The following RBFOX1 variants were observed in gnomAD, a reference collection of about 807,000 sequenced individuals.
RBFOX1 encodes the protein RNA binding protein fox-1 homolog 1.
In RBFOX1, 8 loss-of-function variants were observed where a neutral mutation model predicts 57.7. That is an observed-to-expected ratio of 0.14 (90% CI 0.08 to 0.25). The LOEUF (loss-of-function observed/expected upper bound fraction) is 0.25, where lower values mean the gene tolerates loss of function less well. RBFOX1 is among the 10% of genes least tolerant of loss of function. The pLI is 1.00. For missense variants in RBFOX1, 611 were observed against 548.5 expected, an observed-to-expected ratio of 1.11 and a Z score of -1.14; for synonymous variants, 326 against 222.4, an observed-to-expected ratio of 1.47 and a Z score of -4.15.
At chr16:6,984,248 A>C (rs983015588) in intron 3 of RBFOX1, among the ~76,000 whole-genome samples, 4 of 152,264 alleles carry the variant, frequency 2.6e-5, no homozygotes, top group African/African-American at 9.6e-5. Context: ...ACTCCATCTT[A>C]AACATAAAAT....
intron 3 of RBFOX1, among the ~76,000 whole-genome samples, chr16:5,663,377 T>C (rs1055096009): frequency 6.6e-6 from 1 of 151,846 alleles, no homozygotes; most frequent in Non-Finnish European, 1.5e-5. Flanking sequence ...GCTAATTTTT[T>C]TTTTTTTTTT....
intron 1 of RBFOX1, among the ~76,000 whole-genome samples, chr16:5,385,837 A>C (rs557326880): frequency 6.6e-6 from 1 of 152,190 alleles, no homozygotes; most frequent in Non-Finnish European, 1.5e-5. Context: ...GAAATTGACA[A>C]GAGGTGAATG....
chr16:7,362,437 C>G (rs1001258058), intron 4 of RBFOX1, among the ~76,000 whole-genome samples: 1 of 150,090 alleles, frequency 6.7e-6, no homozygotes, highest in Non-Finnish European at 1.5e-5. Flanking sequence ...AGTGTGTGTT[C>G]TGCGTGTACG....
At chr16:6,956,737 C>T (rs764517627) in intron 3 of RBFOX1, among the ~76,000 whole-genome samples, 7 of 152,204 alleles carry the variant, frequency 4.6e-5, no homozygotes, top group South Asian at 2.1e-4. Context: ...ATATCATCTT[C>T]GATGGTCTTG....
chr16:5,945,686 A>G (rs2059387705), intron 4 of RBFOX1, among the ~76,000 whole-genome samples: 2 of 152,232 alleles, frequency 1.3e-5, no homozygotes, highest in South Asian at 2.1e-4. Flanking sequence ...GCCCTTCTGC[A>G]CAGCACAGCC....
At chr16:6,443,994 A>G (rs1389155929) in intron 2 of RBFOX1, among the ~76,000 whole-genome samples, 4 of 152,196 alleles carry the variant, frequency 2.6e-5, no homozygotes, top group South Asian at 2.1e-4. Context: ...GGTGATAGGG[A>G]TATATAAATA....
At chr16:6,478,429 ATTTTTT>A (rs58352204) in intron 2 of RBFOX1, among the ~76,000 whole-genome samples, 31 of 24,600 alleles carry the variant, frequency 1.3e-3, no homozygotes, top group African/African-American at 3.6e-3. Context: ...ATATATATAT[ATTTTTT>A]TTTTTTTTTT....
intron 2 of RBFOX1, among the ~76,000 whole-genome samples, chr16:6,556,245 A>G (rs2097096453): frequency 2.0e-5 from 3 of 152,270 alleles, no homozygotes; most frequent in Middle Eastern, 3.4e-3. Flanking sequence ...CTTATCACGG[A>G]TCCTGCATGT....
chr16:5,462,967 A>G (rs868766975), intron 1 of RBFOX1, among the ~76,000 whole-genome samples: 9 of 152,368 alleles, frequency 5.9e-5, no homozygotes, highest in Middle Eastern at 3.4e-3. Flanking sequence ...AAAGGTGTTC[A>G]TACTAAATTG....
At chr16:6,677,888 G>A (rs2058014107) in intron 3 of RBFOX1, among the ~76,000 whole-genome samples, 1 of 152,028 alleles carries the variant, frequency 6.6e-6, no homozygotes, top group South Asian at 2.1e-4. Context: ...CCAATTTTAG[G>A]AGCAATTTTT....
At chr16:5,602,337 A>T (rs756271870), downstream of RBFOX1, among the ~76,000 whole-genome samples, 5 of 152,198 alleles carry the variant, frequency 3.3e-5, no homozygotes, top group Non-Finnish European at 5.9e-5. Flanking sequence ...CAAGTGTGAG[A>T]TGTGTTTGTA....
intron 2 of RBFOX1, among the ~76,000 whole-genome samples, chr16:6,501,388 GTGTT>G (rs890490245): frequency 4.0e-5 from 6 of 149,132 alleles, no homozygotes; most frequent in East Asian, 2.0e-4. Context: ...AGAACATGTG[GTGTT>G]TGTTTTTTTG....
intron 3 of RBFOX1, among the ~76,000 whole-genome samples, chr16:6,657,128 C>T (rs1311722864): frequency 1.4e-5 from 2 of 145,518 alleles, no homozygotes; most frequent in African/African-American, 5.1e-5. Context: ...CTCTCCTCTC[C>T]TCTCCTCTTC....
intron 4 of RBFOX1, among the ~76,000 whole-genome samples, chr16:7,181,125 G>T (rs2082611271): frequency 6.6e-6 from 1 of 152,208 alleles, no homozygotes; most frequent in South Asian, 2.1e-4. Flanking sequence ...TTGGAGATAG[G>T]CTTTCAATCC....
chr16:7,692,789 TCTCTTAG>T (rs2077634294), intron 14 of RBFOX1, among the ~76,000 whole-genome samples: 1 of 152,124 alleles, frequency 6.6e-6, no homozygotes, highest in Admixed American at 6.6e-5. Flanking sequence ...ATTGACAAGT[TCTCTTAG>T]CTCTATGTAG....
chr16:5,668,106 C>G (rs2049904603), intron 3 of RBFOX1, among the ~76,000 whole-genome samples: 1 of 152,106 alleles, frequency 6.6e-6, no homozygotes, highest in Non-Finnish European at 1.5e-5. Flanking sequence ...TATCGTGAAA[C>G]TCTGTCTCTA....
intron 1 of RBFOX1, chr16:6,090,005 A>C (rs952377318): frequency 6.6e-6 from 1 of 152,190 alleles, no homozygotes; most frequent in African/African-American, 2.4e-5. Context: ...TAACATCACG[A>C]GGTAGGCAGC....
intron 2 of RBFOX1, among the ~76,000 whole-genome samples, chr16:5,598,279 A>G (rs1329764486): frequency 6.6e-6 from 1 of 152,026 alleles, no homozygotes; most frequent in East Asian, 1.9e-4. Flanking sequence ...TGCTCCCTAG[A>G]TGCAAAGTGT....
intron 3 of RBFOX1, among the ~76,000 whole-genome samples, chr16:6,886,116 C>T (rs1345262254): frequency 6.8e-6 from 1 of 147,406 alleles, no homozygotes; most frequent in Non-Finnish European, 1.5e-5. Flanking sequence ...GGCTGGAGTG[C>T]AGTGACGTGA....
Sources: allele counts gnomAD v4.1 joint callset (sites outside exome capture counted in the v4.1 genomes callset), GRCh38; gene constraint gnomAD v4.1.1; transcripts MANE v1.5; gene names NCBI Gene and HGNC (gene_info 2026-07-23, HGNC 2026-07-21).